Variants in ZNF254 observed in about 807,000 individuals in gnomAD.
ZNF254 encodes CTD-2017D11.1.
Under a neutral mutation model 12.4 loss-of-function variants are expected in ZNF254, and 10 were observed. The observed-to-expected ratio is 0.80, with a 90% CI of 0.50 to 1.36. The LOEUF (loss-of-function observed/expected upper bound fraction) is 1.36, where lower values mean the gene tolerates loss of function less well. ZNF254 is among the 40% of genes most tolerant of loss of function. The probability of loss-of-function intolerance (pLI) is 0.00; values close to 1 mark genes in which losing one functional copy is unlikely to be tolerated. For missense variants in ZNF254, 996 were observed against 763.9 expected (o/e 1.30, Z -3.58); for synonymous variants, 305 against 253.4 (o/e 1.20, Z -1.93).
At chr19:24,076,187 A>G (rs1029173619) in intron 2 of ZNF254, among the ~76,000 whole-genome samples, 2 of 152,260 alleles carry the variant, frequency 1.3e-5, no homozygotes, top group African/African-American at 2.4e-5. Context: ...ATAGGAAATT[A>G]TAAGAATATT....
At chr19:24,120,992 G>T (rs970947424) in intron 3 of ZNF254, among the ~76,000 whole-genome samples, 2 of 151,842 alleles carry the variant, frequency 1.3e-5, no homozygotes, top group African/African-American at 4.8e-5. Context: ...GACAGCTTTG[G>T]CCTCTTAAAA....
chr19:24,074,584 G>A (rs535960256), intron 2 of ZNF254, among the ~76,000 whole-genome samples: 8 of 152,274 alleles, frequency 5.3e-5, no homozygotes, highest in South Asian at 2.1e-4. Context: ...CACAGGCTAC[G>A]TCATTCTTCT....
At chr19:24,091,006 T>A in intron 1 of ZNF254, among the ~76,000 whole-genome samples, 1 of 142,364 alleles carries the variant, frequency 7.0e-6, no homozygotes, top group South Asian at 2.3e-4. Flanking sequence ...TGGAGTGCAG[T>A]GGCGCCACTT....
At chr19:24,068,427 A>G (rs1314561249) in intron 2 of ZNF254, among the ~76,000 whole-genome samples, 4 of 152,104 alleles carry the variant, frequency 2.6e-5, no homozygotes, top group Non-Finnish European at 5.9e-5. Flanking sequence ...TAGCCTCCCA[A>G]GTAGCTGGGA....
chr19:24,125,210 T>A (rs1974746788), intron 3 of ZNF254, among the ~76,000 whole-genome samples: 1 of 151,688 alleles, frequency 6.6e-6, no homozygotes, highest in Non-Finnish European at 1.5e-5. Flanking sequence ...TTGAGCTTTT[T>A]TATTTTTACA....
At chr19:24,099,666 C>T (rs1441929134) in intron 1 of ZNF254, among the ~76,000 whole-genome samples, 4 of 152,188 alleles carry the variant, frequency 2.6e-5, no homozygotes, top group Non-Finnish European at 5.9e-5. Flanking sequence ...AGTTAGCATA[C>T]ATGGATGGCC....
At chr19:24,107,260 TA>T (rs1973403914) in intron 3 of ZNF254, 1 of 645,084 alleles carries the variant, frequency 1.6e-6, no homozygotes, top group African/African-American at 1.9e-5. Context: ...GGAATTTTGA[TA>T]AGGAGTTCTT....
intron 2 of ZNF254, among the ~76,000 whole-genome samples, chr19:24,053,965 G>GC (rs138764586): frequency 0.16 from 24,183 of 152,088 alleles, 2,086 homozygotes; most frequent in Middle Eastern, 0.23. Context: ...CCTGGGCTCT[G>GC]CCCACAGGGA....
intron 2 of ZNF254, among the ~76,000 whole-genome samples, chr19:24,051,559 A>T (rs1344255072): frequency 6.6e-6 from 1 of 151,972 alleles, no homozygotes; most frequent in African/African-American, 2.4e-5. Flanking sequence ...TCTCTGCACA[A>T]AAAGGGATTG....
chr19:24,106,210 A>C, intron 2 of ZNF254, 144 bp downstream of exon 2: 1 of 1,159,138 alleles, frequency 8.6e-7, no homozygotes, highest in South Asian at 1.6e-5. Context: ...AATTTCTTCA[A>C]GATGTTTCAT....
chr19:24,043,653 T>C (rs1233084198), intron 1 of ZNF254, among the ~76,000 whole-genome samples: 1 of 152,222 alleles, frequency 6.6e-6, no homozygotes, highest in African/African-American at 2.4e-5. Context: ...ATCCTTGTTT[T>C]AGGAAACACA....
chr19:24,068,996 A>G (rs944902441), intron 2 of ZNF254, among the ~76,000 whole-genome samples: 2 of 151,950 alleles, frequency 1.3e-5, no homozygotes, highest in Non-Finnish European at 2.9e-5. Flanking sequence ...AACACTGATG[A>G]TATTGCGTTT....
chr19:24,091,929 G>T (rs1972409792), intron 1 of ZNF254: 2 of 667,588 alleles, frequency 3.0e-6, no homozygotes, highest in South Asian at 6.7e-5. Context: ...GGCCAAGCTG[G>T]AGTGCAGAGG....
At chr19:24,041,477 G>C (rs1228117360) in intron 1 of ZNF254, among the ~76,000 whole-genome samples, 2 of 152,276 alleles carry the variant, frequency 1.3e-5, no homozygotes, top group Non-Finnish European at 2.9e-5. Flanking sequence ...TGCGGAGGGT[G>C]TACTGAGTCC....
intron 1 of ZNF254, among the ~76,000 whole-genome samples, chr19:24,040,259 G>A (rs1051775220): frequency 6.6e-6 from 1 of 152,094 alleles, no homozygotes; most frequent in African/African-American, 2.4e-5. Context: ...AGTGTAAAAC[G>A]GGTGTCTACC....
intron 2 of ZNF254, among the ~76,000 whole-genome samples, chr19:24,077,633 GTGAAGA>G (rs1971705215): frequency 6.6e-6 from 1 of 152,206 alleles, no homozygotes; most frequent in Non-Finnish European, 1.5e-5. Context: ...TTAGTGTAGT[GTGAAGA>G]TGGGAATAAA....
intron 1 of ZNF254, among the ~76,000 whole-genome samples, chr19:24,096,339 A>G (rs1438600343): frequency 6.6e-6 from 1 of 152,094 alleles, no homozygotes; most frequent in Non-Finnish European, 1.5e-5. Context: ...GATTACAGGT[A>G]TGAGCCACCA....
intron 2 of ZNF254, among the ~76,000 whole-genome samples, chr19:24,073,689 C>T (rs540106848): frequency 4.6e-5 from 7 of 152,208 alleles, no homozygotes; most frequent in African/African-American, 1.7e-4. Context: ...ACTCTCAGAC[C>T]AAGATTCAAC....
At chr19:24,061,562 T>C (rs2145410081) in intron 2 of ZNF254, among the ~76,000 whole-genome samples, 1 of 152,300 alleles carries the variant, frequency 6.6e-6, no homozygotes, top group East Asian at 1.9e-4. Flanking sequence ...TGCCACTGGT[T>C]GAAAACCCAG....
Sources: allele counts gnomAD v4.1 joint callset (sites outside exome capture counted in the v4.1 genomes callset), GRCh38; gene constraint gnomAD v4.1.1; transcripts MANE v1.5; gene names NCBI Gene and HGNC (gene_info 2026-07-23, HGNC 2026-07-21).